S100A7A: variants seen among roughly 807,000 people sequenced by gnomAD.
S100A7A encodes S100 calcium binding protein A7A, also known as protein S100-A7A.
Under a neutral mutation model 4.0 loss-of-function variants are expected in S100A7A, and 5 were observed. That is an observed-to-expected ratio of 1.26 (90% confidence interval 0.66 to 2.66). The LOEUF is 2.66. S100A7A is among the 30% of genes most tolerant of loss of function. The pLI is 0.01. For missense variants in S100A7A, 159 were observed against 125.1 expected (o/e 1.27, Z -1.29); for synonymous variants, 52 against 46.4 (o/e 1.12, Z -0.49).
In S100A7A at chr1:153,422,165, G is replaced by A. The variant is rs1557859249; in HGVS notation, c.*2856G>A. Reference sequence around the variant, plus strand: ...GTGTCATTCCAAACTCACCAAGGTGGCTTATAGAACAGAAGCAGATGGATA... The same window carrying A: ...GTGTCATTCCAAACTCACCAAGGTGACTTATAGAACAGAAGCAGATGGATA... On this transcript the variant is annotated 3_prime_UTR_variant, in exon 3 of 3. Transcript: ENST00000368729. 1 of 152,244 alleles carries A rather than the reference G, an allele frequency of 6.6e-6. No individual in the cohort carries two copies. Among genetic ancestry groups the A allele is most frequent in the Non-Finnish European group, 1.5e-5 (1 of 68,052 alleles). 9.4% of individuals were successfully genotyped at this position (152,244 alleles called of 1,614,324 possible).
chr1:153,418,435 G>A (rs1256626818), intron 2 of S100A7A, among the ~76,000 whole-genome samples: 2 of 152,176 alleles, frequency 1.3e-5, no homozygotes, highest in Non-Finnish European at 2.9e-5. Flanking sequence ...TATAAAGGAG[G>A]TTATTAGATG....
rs775040683 is a variant in S100A7A at position 153,419,296 on chromosome 1, G to A, written c.293G>A (p.Gly98Glu). 6.2e-7 allele frequency: 1 copy of A among 1,614,028 alleles called. No homozygotes were observed. The highest frequency in any genetic ancestry group is 8.5e-7 in the Non-Finnish European group (1 of 1,179,970). The change falls in exon 3 of 3, where the codon GGG (glycine) becomes GAG (glutamate). Residue 98 changes from glycine (G) to glutamate (E), a missense_variant. Physicochemically the swap from Gly to Glu is moderately conservative, Grantham distance 98. Transcript: ENST00000368729. ...KQSHGAAPCS[G>E]GSQ ...AGCCATGGAGCGGCGCCCTGTTCTG[G>A]GGGAAGCCAGTGATCCAGCCCCACC...
rs377370756 is a variant in S100A7A at position 153,418,183 on chromosome 1, C to T, written c.101C>T (p.Thr34Met). The change falls in exon 2 of 3, where the codon ACG becomes ATG. Residue 34 changes from threonine to methionine, a missense_variant. Transcript: ENST00000368729. The part of the protein sequence containing the change: ...DGKIEKPSLL[T>M]MMKENFPNFL... ...AAGATTGAGAAGCCAAGCCTGCTGA[C>T]GATGATGAAGGAGAACTTCCCCAAT... The T allele has an allele frequency of 1.7e-5, 28 of 1,613,892 alleles. No individual in the cohort carries two copies. Among genetic ancestry groups the T allele is most frequent in the South Asian group, 4.4e-5 (4 of 91,080 alleles).
rs546918257 is a variant in S100A7A at position 153,417,880 on chromosome 1, G to A, written c.-17-186G>A. On this transcript the variant is annotated intron_variant, in intron 1 of 2. Transcript: ENST00000368729. ...TTCTTGGCCCTGGCCAGGATGGGCC[G>A]GGTCTCAGACTTGGTCCTACCCTCT... The A allele has an allele frequency of 6.0e-4, 391 of 653,746 alleles. 1 individual carries two copies. The highest frequency in any genetic ancestry group is 5.2e-3 in the South Asian group (236 of 45,516). The allele number at this position is 653,746 out of a possible 1,614,324, so 40.5% of individuals were successfully genotyped here.
rs1662898925 is a variant in S100A7A at position 153,421,582 on chromosome 1, G to A, written c.*2273G>A. The A allele has an allele frequency of 6.6e-6, 1 of 152,356 alleles. No homozygotes were observed. Among genetic ancestry groups the A allele is most frequent in the Non-Finnish European group, 1.5e-5 (1 of 68,042 alleles). 9.4% of individuals were successfully genotyped at this position (152,356 alleles called of 1,614,324 possible). A position where few individuals can be genotyped will look rare whatever the true frequency, so the allele number is the denominator to read the frequency against. On this transcript the variant is annotated 3_prime_UTR_variant, in exon 3 of 3. Transcript: ENST00000368729. ...ACTTCCAGTCCTGGAGGCAGGTTGT[G>A]CAGCTTAGGGGAGGACCCCAGAATC... is the stretch of plus-strand genomic sequence containing the variant.
chr1:153,417,964 T>A, intron 1 of S100A7A, 102 bp from the exon 2 acceptor site: 1 of 1,425,190 alleles, frequency 7.0e-7, no homozygotes. Context: ...CTGCTCCATC[T>A]TAGGGCTGTT....
At chr1:153,418,553 G>T (rs1359445685) in intron 2 of S100A7A, among the ~76,000 whole-genome samples, 2 of 152,040 alleles carry the variant, frequency 1.3e-5, no homozygotes, top group South Asian at 2.1e-4. Flanking sequence ...CTTCCCAAAG[G>T]CCCCACATCA....
chr1:153,417,942 A>AC, intron 1 of S100A7A, 124 bp from the exon 2 acceptor site: 1 of 1,272,564 alleles, frequency 7.9e-7, no homozygotes, highest in Non-Finnish European at 1.1e-6. Flanking sequence ...ATTTAAAAAA[A>AC]TCAAGTTCCT....
At chr1:153,416,596 A>C in intron 1 of S100A7A, 33 bp downstream of exon 1, 1 of 462,788 alleles carries the variant, frequency 2.2e-6, no homozygotes, top group Non-Finnish European at 4.3e-6. Flanking sequence ...CATTTTCTAG[A>C]AGTGCCCAGT....
intron 1 of S100A7A, 75 bp from the exon 2 acceptor site, chr1:153,417,991 C>T: frequency 6.4e-7 from 1 of 1,563,238 alleles, no homozygotes; most frequent in South Asian, 1.2e-5. Context: ...CTGTCCTCAG[C>T]CCTCCTTCTA....
At chr1:153,417,189 G>A (rs1274598260) in intron 1 of S100A7A, 1 of 152,348 alleles carries the variant, frequency 6.6e-6, no homozygotes, top group African/African-American at 2.4e-5. Context: ...TTTGGAAAGT[G>A]TAGAAATGAG....
rs376866723 is a variant in S100A7A, at chr1:153,419,355, G to A, written c.*46G>A. On this transcript the variant is annotated 3_prime_UTR_variant, in exon 3 of 3. Coordinates refer to ENST00000368729, the MANE Select transcript of S100A7A (RefSeq NM_176823.4). ...TCCAGAGACCCCAGGAACAATAAGT[G>A]TCTCCTCCCACCAGACACTTGCCTT... 223 of 1,573,036 alleles carry A rather than the reference G, an allele frequency of 1.4e-4. No homozygotes were observed. Among genetic ancestry groups the A allele is most frequent in the Non-Finnish European group, 1.7e-4 (200 of 1,156,822 alleles).
At chr1:153,416,982 G>A (rs528864097) in intron 1 of S100A7A, among the ~76,000 whole-genome samples, 1 of 151,966 alleles carries the variant, frequency 6.6e-6, no homozygotes, top group Non-Finnish European at 1.5e-5. Context: ...AAACCCCCAG[G>A]CCTTGGACCT....
intron 2 of S100A7A, 44 bp downstream of exon 2, chr1:153,418,267 T>C: frequency 6.2e-7 from 1 of 1,604,032 alleles, no homozygotes; most frequent in Non-Finnish European, 8.5e-7. Flanking sequence ...GACCCTGGCA[T>C]GGCTGAGGAT....
rs1462014415 is a variant in S100A7A, at chr1:153,418,212, C to T, written c.130C>T (p.Leu44Phe). ...GATGAAGGAGAACTTCCCCAATTTCCTCAGTGCCTGTGTGAGTTGGGGTCT... is the reference window on the plus strand; with the variant it reads ...GATGAAGGAGAACTTCCCCAATTTCTTCAGTGCCTGTGTGAGTTGGGGTCT... The part of the protein sequence containing the change: ...TMMKENFPNF[L>F]SACDKKGIHY... The change falls in exon 2 of 3, where the codon CTC becomes TTC. Residue 44 changes from leucine (L) to phenylalanine (F), a missense_variant. By Grantham distance (22) the Leu-to-Phe change is conservative. Coordinates refer to ENST00000368729, the MANE Select transcript of S100A7A (RefSeq NM_176823.4). 1 of 1,614,008 alleles carries T rather than the reference C, an allele frequency of 6.2e-7. No homozygotes were observed. The highest frequency in any genetic ancestry group is 1.7e-5 in the Admixed American group (1 of 60,012).
chr1:153,422,540 T>C lies in S100A7A; in HGVS notation c.*3231T>C, dbSNP rs1005342042. On this transcript the variant is annotated 3_prime_UTR_variant, in exon 3 of 3. Transcript: ENST00000368729. Reference sequence around the variant, plus strand: ...CACATTACAGCTGATGTGAAAGAGATTCTGGAAATCCAAATGTTCCCCAGA... The same window carrying C: ...CACATTACAGCTGATGTGAAAGAGACTCTGGAAATCCAAATGTTCCCCAGA... 2 of 985,186 alleles carry C rather than the reference T, an allele frequency of 2.0e-6. No individual in the cohort carries two copies. The highest frequency in any genetic ancestry group is 2.4e-6 in the Non-Finnish European group (2 of 829,844). The allele number at this position is 985,186 out of a possible 1,614,324, so 61.0% of individuals were successfully genotyped here. A position where few individuals can be genotyped will look rare whatever the true frequency, so the allele number is the denominator to read the frequency against.
chr1:153,418,140 T>A lies in S100A7A; in HGVS notation c.58T>A (p.Tyr20Asn). The change falls in exon 2 of 3, where the codon TAC becomes AAC. Residue 20 changes from tyrosine (Y) to asparagine (N), a missense_variant. Transcript: ENST00000368729. Reference protein sequence around the residue: ...IIGMIDMFHKYTGRDGKIEKP... With the variant: ...IIGMIDMFHKNTGRDGKIEKP... ...AGGCATGATCGACATGTTTCACAAA[T>A]ACACCGGACGTGATGGCAAGATTGA... The A allele has an allele frequency of 1.2e-6, 2 of 1,614,122 alleles. No individual in the cohort carries two copies. Among genetic ancestry groups the A allele is most frequent in the Non-Finnish European group, 8.5e-7 (1 of 1,179,984 alleles).
In S100A7A at chr1:153,420,720, C is replaced by T. The variant is rs1292125590; in HGVS notation, c.*1411C>T. 2 of 152,244 alleles carry T rather than the reference C, an allele frequency of 1.3e-5. No individual in the cohort carries two copies. The highest frequency in any genetic ancestry group is 4.8e-5 in the African/African-American group (2 of 41,414). The allele number at this position is 152,244 out of a possible 1,614,324, so 9.4% of individuals were successfully genotyped here. A position where few individuals can be genotyped will look rare whatever the true frequency, so the allele number is the denominator to read the frequency against. ...CATGTCTGACCATTAGTTTTCTTCTCTTTCCTTCTCTCCCTTTCTCATTCT... is the reference window on the plus strand; with the variant it reads ...CATGTCTGACCATTAGTTTTCTTCTTTTTCCTTCTCTCCCTTTCTCATTCT... On this transcript the variant is annotated 3_prime_UTR_variant, in exon 3 of 3. Coordinates refer to ENST00000368729, the MANE Select transcript of S100A7A (RefSeq NM_176823.4).
intron 1 of S100A7A, among the ~76,000 whole-genome samples, chr1:153,417,452 A>G (rs1662753926): frequency 6.6e-6 from 1 of 152,014 alleles, no homozygotes; most frequent in South Asian, 2.1e-4. Context: ...TCTCATTCCC[A>G]AGGGAATGTA....
Sources: allele counts gnomAD v4.1 joint callset (sites outside exome capture counted in the v4.1 genomes callset), GRCh38; gene constraint gnomAD v4.1.1; transcripts MANE v1.5; gene names NCBI Gene and HGNC (gene_info 2026-07-23, HGNC 2026-07-21).